Variants in FOXP2 observed in about 807,000 individuals in gnomAD.
FOXP2 encodes the protein forkhead box P2.
A neutral mutation model predicts 115.8 loss-of-function variants in FOXP2; 12 were observed. The ratio of observed to expected loss-of-function variants is 0.10; its 90% confidence interval spans 0.07 to 0.17. The LOEUF is 0.17. Among genes scored for constraint, FOXP2 ranks in the 10% least tolerant of loss-of-function variants. The pLI is 1.00. For synonymous variants in FOXP2, 328 were observed against 297.7 expected, an observed-to-expected ratio of 1.10 and a Z score of -1.05; for missense variants, 629 against 843.5, an observed-to-expected ratio of 0.75 and a Z score of 3.15.
intron 1 of FOXP2, among the ~76,000 whole-genome samples, chr7:114,203,415 T>C (rs997768004): frequency 6.6e-6 from 1 of 152,158 alleles, no homozygotes; most frequent in East Asian, 1.9e-4. Flanking sequence ...TCACTGCAAC[T>C]TCTGTCTCCA....
chr7:114,687,028 A>G (rs1808403326), intron 16 of FOXP2, among the ~76,000 whole-genome samples: 1 of 152,180 alleles, frequency 6.6e-6, no homozygotes, highest in South Asian at 2.1e-4. Context: ...ACTTTTATAA[A>G]TGTTGTATAC....
intron 3 of FOXP2, chr7:114,613,954 G>A (rs1380397920): frequency 1.3e-5 from 2 of 151,994 alleles, no homozygotes; most frequent in African/African-American, 4.8e-5. Flanking sequence ...ACTAATGGCT[G>A]TCATTTAACC....
At chr7:114,557,746 A>G (rs1164418992) in intron 3 of FOXP2, among the ~76,000 whole-genome samples, 1 of 152,126 alleles carries the variant, frequency 6.6e-6, no homozygotes, top group South Asian at 2.1e-4. Flanking sequence ...TTCTGTTCTC[A>G]AAAGCAGAAT....
At chr7:114,415,839 T>G (rs995920756) in intron 1 of FOXP2, among the ~76,000 whole-genome samples, 1 of 151,950 alleles carries the variant, frequency 6.6e-6, no homozygotes, top group African/African-American at 2.4e-5. Context: ...GGGAAACTCT[T>G]TTTGCTAAGC....
At chr7:114,569,477 TCA>T (rs1435551659) in intron 3 of FOXP2, among the ~76,000 whole-genome samples, 1 of 151,940 alleles carries the variant, frequency 6.6e-6, no homozygotes, top group Non-Finnish European at 1.5e-5. Context: ...GTTAATATTT[TCA>T]CAGAGTGCTA....
At chr7:114,461,681 C>T (rs1285971847) in intron 2 of FOXP2, among the ~76,000 whole-genome samples, 1 of 151,934 alleles carries the variant, frequency 6.6e-6, no homozygotes, top group Non-Finnish European at 1.5e-5. Flanking sequence ...TCTTCCATTT[C>T]TTCTCTCTCC....
chr7:114,242,066 A>G (rs923774425), intron 1 of FOXP2, among the ~76,000 whole-genome samples: 27 of 150,040 alleles, frequency 1.8e-4, no homozygotes, highest in South Asian at 2.1e-4. Context: ...TGGAGTGGGG[A>G]AAATCTGAAG....
At chr7:114,314,325 A>T (rs1327409895) in intron 2 of FOXP2, among the ~76,000 whole-genome samples, 1 of 151,524 alleles carries the variant, frequency 6.6e-6, no homozygotes, top group African/African-American at 2.4e-5. Context: ...AACTGTAAAA[A>T]GCTGTGTTTG....
intron 3 of FOXP2, among the ~76,000 whole-genome samples, chr7:114,543,535 T>G (rs1339100562): frequency 6.9e-6 from 1 of 145,758 alleles, no homozygotes; most frequent in Non-Finnish European, 1.5e-5. Context: ...AATTTTAAAT[T>G]TTCAAAAAAG....
At chr7:114,407,877 A>C (rs939258871) in intron 2 of FOXP2, among the ~76,000 whole-genome samples, 1 of 152,100 alleles carries the variant, frequency 6.6e-6, no homozygotes, top group Non-Finnish European at 1.5e-5. Flanking sequence ...ATTCAGTAAA[A>C]ACATGTTTTT....
intron 2 of FOXP2, among the ~76,000 whole-genome samples, chr7:114,430,420 T>C (rs767140873): frequency 6.6e-6 from 1 of 151,734 alleles, no homozygotes; most frequent in African/African-American, 2.4e-5. Context: ...TTCTCATTGA[T>C]TGATTATAAA....
chr7:114,377,303 T>C (rs1186173431), intron 2 of FOXP2, among the ~76,000 whole-genome samples: 1 of 152,188 alleles, frequency 6.6e-6, no homozygotes, highest in East Asian at 1.9e-4. Context: ...AGAAGTCAGT[T>C]AAAAATATTT....
intron 2 of FOXP2, among the ~76,000 whole-genome samples, chr7:114,384,564 T>A (rs960108961): frequency 6.6e-5 from 10 of 152,204 alleles, no homozygotes; most frequent in Admixed American, 2.0e-4. Context: ...TACCATCCTG[T>A]CATGAAGGGA....
chr7:114,150,935 A>C (rs1792512619), intron 1 of FOXP2, among the ~76,000 whole-genome samples: 1 of 152,094 alleles, frequency 6.6e-6, no homozygotes, highest in African/African-American at 2.4e-5. Context: ...TATTCACATG[A>C]TGGATTACTG....
intron 2 of FOXP2, among the ~76,000 whole-genome samples, chr7:114,312,307 G>C (rs559035524): frequency 1.3e-5 from 2 of 152,252 alleles, no homozygotes; most frequent in South Asian, 2.1e-4. Context: ...AGAGTGAGGA[G>C]AAATCAGGAT....
intron 10 of FOXP2, among the ~76,000 whole-genome samples, chr7:114,655,441 G>A (rs1050326810): frequency 6.6e-6 from 1 of 152,046 alleles, no homozygotes; most frequent in Non-Finnish European, 1.5e-5. Context: ...TGCTAATTGC[G>A]TTTGATGGTG....
intron 6 of FOXP2, among the ~76,000 whole-genome samples, chr7:114,638,348 A>G (rs963872430): frequency 4.6e-5 from 7 of 152,188 alleles, no homozygotes; most frequent in Non-Finnish European, 8.8e-5. Flanking sequence ...AGTCCCCAAG[A>G]CAGAGACCAC....
At chr7:114,677,605 A>G (rs1807845833) in intron 16 of FOXP2, among the ~76,000 whole-genome samples, 1 of 152,208 alleles carries the variant, frequency 6.6e-6, no homozygotes, top group South Asian at 2.1e-4. Context: ...GCTTTGGGGT[A>G]TAGGCAAGCA....
At chr7:114,211,697 T>C (rs1794354653) in intron 1 of FOXP2, among the ~76,000 whole-genome samples, 1 of 152,218 alleles carries the variant, frequency 6.6e-6, no homozygotes, top group African/African-American at 2.4e-5. Context: ...GGAAAATGTT[T>C]ATACTGTGAT....
Sources: allele counts gnomAD v4.1 joint callset (sites outside exome capture counted in the v4.1 genomes callset), GRCh38; gene constraint gnomAD v4.1.1; transcripts MANE v1.5; gene names NCBI Gene and HGNC (gene_info 2026-07-23, HGNC 2026-07-21).